The following DENND4C variants were observed in gnomAD, a reference collection of about 807,000 sequenced individuals.
The protein encoded by DENND4C is DENN domain-containing protein 4C.
A neutral mutation model predicts 203.0 loss-of-function variants in DENND4C; 108 were observed. That is an observed-to-expected ratio of 0.53 (90% CI 0.46 to 0.62). The LOEUF is 0.62. DENND4C is among the 20% of genes least tolerant of loss of function. DENND4C has a pLI of 0.00. For synonymous variants in DENND4C, 871 were observed against 792.4 expected (o/e 1.10, Z -1.67); for missense variants, 2,481 against 2,301.2 (o/e 1.08, Z -1.60).
rs141061074 is a variant in DENND4C at position 19,333,979 on chromosome 9, T to C, written c.2461-998T>C. Among the ~76,000 whole-genome samples the C allele has an allele frequency of 3.7e-3, 565 of 152,316 alleles. 3 individuals are homozygous for C. Among genetic ancestry groups the C allele is most frequent in the African/African-American group, 0.013 (535 of 41,582 alleles). ...GATACTGTCTTTAATTCCTTTGGCA[T>C]TGAATGGAAAGCATAGTGATTGGGG... On this transcript the variant is annotated intron_variant, in intron 17 of 32. Transcript: ENST00000434457.
intron 2 of DENND4C, among the ~76,000 whole-genome samples, chr9:19,279,072 T>C (rs1343605305): frequency 1.2e-5 from 1 of 82,192 alleles, no homozygotes; most frequent in Admixed American, 1.2e-4. Context: ...CCAGCTAACC[T>C]GTAATCCCAG....
At chr9:19,248,901 G>C (rs73423081) in intron 1 of DENND4C, among the ~76,000 whole-genome samples, 9,621 of 150,604 alleles carry the variant, frequency 0.064, 570 homozygotes, top group African/African-American at 0.16. Context: ...GGTGATTCTC[G>C]TGCCTCAGAC....
At chr9:19,311,701 C>A (rs115318877) in intron 10 of DENND4C, among the ~76,000 whole-genome samples, 3,236 of 152,010 alleles carry the variant, frequency 0.021, 120 homozygotes, top group African/African-American at 0.073. Context: ...CACATTAGTT[C>A]TTCATGTTGA....
intron 1 of DENND4C, among the ~76,000 whole-genome samples, chr9:19,246,628 CT>C (rs918591309): frequency 1.2e-3 from 166 of 142,722 alleles, no homozygotes; most frequent in East Asian, 1.2e-3. Flanking sequence ...TTGCAGACCA[CT>C]TTTTTTTTTT....
At chr9:19,305,551 T>G in intron 10 of DENND4C, 24 bp downstream of exon 10, 1 of 1,593,350 alleles carries the variant, frequency 6.3e-7, no homozygotes, top group South Asian at 1.1e-5. Context: ...TTTTATATTA[T>G]CTCCCATTTA....
Position 19,368,278 on chromosome 9 carries a change from G to A in DENND4C, c.5525-1559G>A, listed in dbSNP as rs540954458. Among the ~76,000 whole-genome samples, 646 of 91,730 alleles carry A rather than the reference G, an allele frequency of 7.0e-3. 2 individuals carry two copies. Among genetic ancestry groups the A allele is most frequent in the African/African-American group, 0.042 (593 of 13,992 alleles). The allele number at this position is 91,730 out of a possible 152,430, so 60.2% of individuals were successfully genotyped here. ...TGCTATTTTTTTTTTTTTTTTTTTC[G>A]GTTTAACACAAATGAACTATTACCA... On this transcript the variant is annotated intron_variant, in intron 30 of 32. Coordinates refer to ENST00000434457, the MANE Select transcript of DENND4C (RefSeq NM_001330640.2).
At chr9:19,241,670 G>A (rs1823765139) in intron 1 of DENND4C, among the ~76,000 whole-genome samples, 1 of 151,992 alleles carries the variant, frequency 6.6e-6, no homozygotes, top group Non-Finnish European at 1.5e-5. Flanking sequence ...TACTCACGTG[G>A]ATCTGTCTGG....
At chr9:19,352,352 C>T in intron 25 of DENND4C, 138 bp from the exon 26 acceptor site, 1 of 1,022,714 alleles carries the variant, frequency 9.8e-7, no homozygotes, top group Non-Finnish European at 1.4e-6. Flanking sequence ...TGGTAGTTTA[C>T]CTGTGAAATA....
intron 1 of DENND4C, among the ~76,000 whole-genome samples, chr9:19,244,552 AAC>A (rs1824638867): frequency 6.6e-6 from 1 of 151,470 alleles, no homozygotes; most frequent in African/African-American, 2.4e-5. Flanking sequence ...CATCCTGGCT[AAC>A]ACAGTGAAAC....
rs1406389856 is a variant in DENND4C at position 19,295,994 on chromosome 9, C to A, written c.802-14C>A. ...CAAACTCAAATCTTATAACAGAATTCTGTTACTCTTTAGGTATATGGAGCT... is the reference window on the plus strand; with the variant it reads ...CAAACTCAAATCTTATAACAGAATTATGTTACTCTTTAGGTATATGGAGCT... On this transcript the variant is annotated splice_polypyrimidine_tract_variant and intron_variant, in intron 5 of 32. Transcript: ENST00000434457. 8 of 1,560,250 alleles carry A rather than the reference C, an allele frequency of 5.1e-6. No homozygotes were observed. Among genetic ancestry groups the A allele is most frequent in the East Asian group, 2.2e-5 (1 of 44,526 alleles).
At chr9:19,328,653 GTCTGTCTATCTATCTA>G (rs1416664410) in intron 16 of DENND4C, among the ~76,000 whole-genome samples, 188 of 84,470 alleles carry the variant, frequency 2.2e-3, no homozygotes, top group Middle Eastern at 0.021. Context: ...CTGTCTGTCT[GTCTGTCTATCTATCTA>G]TCTATCTATC....
intron 1 of DENND4C, among the ~76,000 whole-genome samples, chr9:19,243,702 C>G (rs1824361471): frequency 6.6e-6 from 1 of 152,166 alleles, no homozygotes; most frequent in East Asian, 1.9e-4. Context: ...CTGAATAATA[C>G]TACGTTCTAT....
At chr9:19,283,282 C>T (rs1334009022) in intron 2 of DENND4C, among the ~76,000 whole-genome samples, 1 of 152,108 alleles carries the variant, frequency 6.6e-6, no homozygotes, top group Admixed American at 6.6e-5. Context: ...CACATCTTGT[C>T]CCACTGGAAG....
intron 3 of DENND4C, among the ~76,000 whole-genome samples, chr9:19,288,390 T>G (rs2131126054): frequency 6.6e-6 from 1 of 152,352 alleles, no homozygotes; most frequent in South Asian, 2.1e-4. Flanking sequence ...TCATATCAGT[T>G]TGATTTTTGT....
At position 19,363,846 on chromosome 9, in the gene DENND4C, A is replaced by C. The variant is rs373975851; in HGVS notation, c.5524+1883A>C. On this transcript the variant is annotated intron_variant, in intron 30 of 32. Coordinates refer to ENST00000434457, the MANE Select transcript of DENND4C (RefSeq NM_001330640.2). ...GCCAATATGGTGAAACTCTGTCTCTACTAAAAATATAAAAAAAATTAGCCA... is the reference window on the plus strand; with the variant it reads ...GCCAATATGGTGAAACTCTGTCTCTCCTAAAAATATAAAAAAAATTAGCCA... Among the ~76,000 whole-genome samples the C allele has an allele frequency of 1.4e-4, 22 of 152,194 alleles. No individual in the cohort carries two copies. The South Asian group carries it at 2.9e-3, about 20-fold the overall frequency.
intron 1 of DENND4C, among the ~76,000 whole-genome samples, chr9:19,233,513 A>G (rs1034724271): frequency 6.6e-6 from 1 of 150,454 alleles, no homozygotes; most frequent in African/African-American, 2.4e-5. Context: ...CATTTTCTAC[A>G]TTTGTTAAGT....
At chr9:19,277,666 A>G (rs1004894105) in intron 2 of DENND4C, among the ~76,000 whole-genome samples, 2 of 150,596 alleles carry the variant, frequency 1.3e-5, no homozygotes, top group Non-Finnish European at 3.0e-5. Context: ...GTGTGTGTGT[A>G]ATTACTCTGG....
At chr9:19,322,242 C>T (rs938386752) in intron 12 of DENND4C, among the ~76,000 whole-genome samples, 4 of 152,070 alleles carry the variant, frequency 2.6e-5, no homozygotes, top group African/African-American at 7.2e-5. Flanking sequence ...AGTTGTGGAA[C>T]TTTTTTTCCC....
chr9:19,327,446 C>A (rs148591557), intron 15 of DENND4C, among the ~76,000 whole-genome samples: 37 of 151,900 alleles, frequency 2.4e-4, no homozygotes, highest in Non-Finnish European at 4.7e-4. Context: ...AATTTTAATT[C>A]TTTTGATAAA....
Sources: gnomAD v4.1 joint callset for allele counts (sites outside exome capture counted in the v4.1 genomes callset) on GRCh38, gnomAD v4.1.1 for gene constraint, MANE v1.5 for transcripts, NCBI Gene and HGNC (gene_info 2026-07-23, HGNC 2026-07-21) for gene names.